SETD7: variants seen among roughly 807,000 people sequenced by gnomAD.
The protein encoded by SETD7 is SET domain containing 7, histone lysine methyltransferase.
A neutral mutation model predicts 41.8 loss-of-function variants in SETD7; 16 were observed. That is an observed-to-expected ratio of 0.38 (90% CI 0.26 to 0.58). The LOEUF is 0.58. Among genes scored for constraint, SETD7 ranks in the 20% least tolerant of loss-of-function variants. The probability of loss-of-function intolerance (pLI) is 0.64; values close to 1 mark genes in which losing one functional copy is unlikely to be tolerated. For synonymous variants in SETD7, 163 were observed against 169.7 expected, an observed-to-expected ratio of 0.96 and a Z score of 0.31; for missense variants, 346 against 459.7, an observed-to-expected ratio of 0.75 and a Z score of 2.26.
chr4:139,523,361 A>T lies in SETD7; in HGVS notation c.637T>A (p.Ser213Thr), dbSNP rs1282853112. The change falls in exon 5 of 8, where the codon TCA becomes ACA. Residue 213 changes from serine to threonine, a missense_variant. This residue lies in a region of SETD7 where 266 missense variants were observed against 377.0 expected (regional missense o/e 0.71). Coordinates refer to ENST00000274031, the MANE Select transcript of SETD7 (RefSeq NM_030648.4). The stretch of plus-strand genomic sequence containing the variant: ...CCCCAAGGAGGAAATTACCTTTCTG[A>T]TTCATAAGGATCTGGAAGAAGAGCA... ...TNALLPDPYE[S>T]ERVYVAESLI... 1.2e-6 allele frequency: 2 copies of T among 1,609,980 alleles called. No homozygotes were observed. Among genetic ancestry groups the T allele is most frequent in the Admixed American group, 3.3e-5 (2 of 59,986 alleles).
intron 7 of SETD7, among the ~76,000 whole-genome samples, chr4:139,516,194 G>A (rs941010982): frequency 2.6e-5 from 4 of 152,102 alleles, no homozygotes; most frequent in Admixed American, 6.6e-5. Flanking sequence ...GGCCGGGGGC[G>A]GTGGCTCACA....
Position 139,555,021 on chromosome 4 carries a change from T to C in SETD7, c.40+1077A>G, listed in dbSNP as rs1223125874. On this transcript the variant is annotated intron_variant, in intron 1 of 7. Coordinates refer to ENST00000274031, the MANE Select transcript of SETD7 (RefSeq NM_030648.4). This position sits in a 1 kb window ranked among gnomAD's most constrained non-coding sequence, Gnocchi z 4.0. ...CTTAGTTTAAAACATTCTGGTATCA[T>C]ACCACACCACACTGAAAAACATCAC... is the stretch of plus-strand genomic sequence containing the variant. Among the ~76,000 whole-genome samples, 2 of 152,268 alleles carry C rather than the reference T, an allele frequency of 1.3e-5. No homozygotes were observed. The highest frequency in any genetic ancestry group is 6.5e-5 in the Admixed American group (1 of 15,290).
chr4:139,531,487 C>A (rs75196545), intron 3 of SETD7, among the ~76,000 whole-genome samples: 6,653 of 152,244 alleles, frequency 0.044, 166 homozygotes, highest in Non-Finnish European at 0.061. Flanking sequence ...ACTCACGAGG[C>A]CAGGTTTCGG....
chr4:139,520,287 G>A lies in SETD7; in HGVS notation c.752C>T (p.Thr251Ile). The change falls in exon 6 of 8, where the codon ACA (threonine) becomes ATA (isoleucine). Residue 251 changes from threonine (T) to isoleucine (I), a missense_variant. By Grantham distance (89) the Thr-to-Ile change is moderately conservative. Coordinates refer to ENST00000274031, the MANE Select transcript of SETD7 (RefSeq NM_030648.4). ...VMSFYNGVRI[T>I]HQEVDSRDWA... is the part of the protein sequence containing the mutation. ...GTCAGCCCCACTCACCTCTTGGTGT[G>A]TAATTCGAACTCCATTATAAAAAGA... is the stretch of plus-strand genomic sequence containing the variant. 6.3e-7 allele frequency: 1 copy of A among 1,576,888 alleles called. No homozygotes were observed. The highest frequency in any genetic ancestry group is 8.7e-7 in the Non-Finnish European group (1 of 1,155,730).
rs752282286 is a variant in SETD7, at chr4:139,529,209, G to T, written c.384C>A (p.Ser128Arg). 1.2e-6 allele frequency: 2 copies of T among 1,612,398 alleles called. No individual in the cohort carries two copies. ...VCWIYYPDGG[S>R]LVGEVNEDGE... is the part of the protein sequence containing the mutation. The stretch of plus-strand genomic sequence containing the variant: ...CATCTTCATTTACTTCTCCTACAAG[G>T]CTTCCTCCATCCTGATGGGAGAAAC... The change falls in exon 4 of 8, where the codon AGC (serine) becomes AGA (arginine). Residue 128 changes from serine to arginine, a missense_variant. By Grantham distance (110) the Ser-to-Arg change is moderately radical. This residue lies in a region of SETD7 where 266 missense variants were observed against 377.0 expected (regional missense o/e 0.71). Coordinates refer to ENST00000274031, the MANE Select transcript of SETD7 (RefSeq NM_030648.4).
chr4:139,505,121 G>A (rs987872492), downstream of SETD7, among the ~76,000 whole-genome samples: 14 of 152,120 alleles, frequency 9.2e-5, no homozygotes, highest in African/African-American at 3.1e-4. Context: ...GGGCAACTGA[G>A]GGAGGTAAAA....
intron 1 of SETD7, among the ~76,000 whole-genome samples, chr4:139,549,492 A>G (rs992465584): frequency 1.5e-5 from 2 of 130,032 alleles, no homozygotes; most frequent in African/African-American, 5.5e-5. Context: ...AAAAATGTCA[A>G]CTCCACTCCA....
intron 2 of SETD7, among the ~76,000 whole-genome samples, chr4:139,533,918 A>C (rs181399951): frequency 1.4e-4 from 22 of 152,312 alleles, no homozygotes; most frequent in African/African-American, 5.3e-4. Context: ...AATCCCTTCC[A>C]TCTCCTTGGA....
chr4:139,533,171 A>ACTGGATATAT lies in SETD7; in HGVS notation c.365_366insATATATCCAG (p.Tyr122Ter). On this transcript the variant is annotated stop_gained and frameshift_variant, in exon 3 of 8. Coordinates refer to ENST00000274031, the MANE Select transcript of SETD7 (RefSeq NM_030648.4). LOFTEE classifies it high-confidence loss of function. ...GAACAGTCACACGGCTTACTGGGTA[A>ACTGGATATAT]TATATCCAGCACACTCCATGACGAA... is the stretch of plus-strand genomic sequence containing the variant. 1 of 1,613,254 alleles carries ACTGGATATAT rather than the reference A, an allele frequency of 6.2e-7. No homozygotes were observed. The highest frequency in any genetic ancestry group is 8.5e-7 in the Non-Finnish European group (1 of 1,179,222).
At position 139,510,757 on chromosome 4, in the gene SETD7, T is replaced by G. The variant is rs540392956; in HGVS notation, c.*906A>C. 1.3e-5 allele frequency: 2 copies of G among 152,702 alleles called. No individual in the cohort carries two copies. Among genetic ancestry groups the G allele is most frequent in the Admixed American group, 1.3e-4 (2 of 15,298 alleles). The allele number at this position is 152,702 out of a possible 1,614,324, so 9.5% of individuals were successfully genotyped here. The stretch of plus-strand genomic sequence containing the variant: ...AATGTGTACTCAAGGAGGAAAAAAT[T>G]ACTAGCACTACTGAAAATATTGCAA... On this transcript the variant is annotated 3_prime_UTR_variant, in exon 8 of 8. Transcript: ENST00000274031.
In SETD7 at chr4:139,508,748, A is replaced by C. The variant is rs373952535; in HGVS notation, c.*2915T>G. ...TGACCAGATGCAGCGGCTTCCTGAC[A>C]CATTTCCTTCCCCAGCAGATGTAAA... On this transcript the variant is annotated 3_prime_UTR_variant, in exon 8 of 8. Transcript: ENST00000274031. 7.9e-5 allele frequency: 12 copies of C among 152,312 alleles called. No individual in the cohort carries two copies. Among genetic ancestry groups the C allele is most frequent in the African/African-American group, 2.9e-4 (12 of 41,560 alleles). The allele number at this position is 152,312 out of a possible 1,614,324, so 9.4% of individuals were successfully genotyped here.
chr4:139,535,614 C>T (rs1727617306), intron 2 of SETD7, among the ~76,000 whole-genome samples: 1 of 152,172 alleles, frequency 6.6e-6, no homozygotes, highest in Non-Finnish European at 1.5e-5. Flanking sequence ...TTGTCCTAAC[C>T]TCCCTTACCC....
downstream of SETD7, among the ~76,000 whole-genome samples, chr4:139,501,843 C>T (rs1726583624): frequency 6.6e-6 from 1 of 152,206 alleles, no homozygotes; most frequent in African/African-American, 2.4e-5. Flanking sequence ...GGAGACACGG[C>T]AGGTCCCGAA....
chr4:139,551,007 T>C (rs1173135794), intron 1 of SETD7, among the ~76,000 whole-genome samples: 1 of 152,202 alleles, frequency 6.6e-6, no homozygotes, highest in Admixed American at 6.5e-5. Context: ...ACACTCTTCC[T>C]TGGTGATGGT....
At chr4:139,497,201 T>C (rs1039013618) in intron 7 of SETD7, among the ~76,000 whole-genome samples, 1 of 152,204 alleles carries the variant, frequency 6.6e-6, no homozygotes, top group Non-Finnish European at 1.5e-5. Context: ...ACGCCTGTAA[T>C]CCCAGCACTT....
rs896431449 is a variant in SETD7 at position 139,511,759 on chromosome 4, A to G, written c.1005T>C (p.Tyr335=). The change falls in exon 8 of 8, where the codon TAT becomes TAC. Residue 335 remains tyrosine, a synonymous_variant. Transcript: ENST00000274031. ...TCCCGGGGGGGCTGTGGTCATAGCC[A>G]TAGGCAACGGTGAGCTCTTCATCGG... ...VEADEELTVA[Y]GYDHSPPGKS... The G allele has an allele frequency of 1.2e-6, 2 of 1,614,136 alleles. No homozygotes were observed. Among genetic ancestry groups the G allele is most frequent in the East Asian group, 2.2e-5 (1 of 44,888 alleles).
intron 2 of SETD7, among the ~76,000 whole-genome samples, chr4:139,537,991 A>G (rs1317259853): frequency 6.6e-6 from 1 of 152,232 alleles, no homozygotes; most frequent in Non-Finnish European, 1.5e-5. Context: ...ATTATTAAAC[A>G]TGCATATTCA....
chr4:139,511,698 C>G lies in SETD7; in HGVS notation c.1066G>C (p.Glu356Gln), dbSNP rs1445919028. ...GPEAPEWYQV[E>Q]LKAFQATQQK ...TGGGTGGCCTGGAAGGCCTTCAGCT[C>G]CACCTGGTACCACTCAGGGGCTTCA... The change falls in exon 8 of 8, where the codon GAG (glutamate) becomes CAG (glutamine). Residue 356 changes from glutamate (E) to glutamine (Q), a missense_variant. This residue lies in a region of SETD7 where 5 missense variants were observed against 17.2 expected (regional missense o/e 0.29). Transcript: ENST00000274031. 6.2e-7 allele frequency: 1 copy of G among 1,613,618 alleles called. No homozygotes were observed. The highest frequency in any genetic ancestry group is 1.3e-5 in the African/African-American group (1 of 75,000).
chr4:139,500,618 C>T (rs1041268675), intron 7 of SETD7, among the ~76,000 whole-genome samples: 1 of 152,188 alleles, frequency 6.6e-6, no homozygotes, highest in East Asian at 1.9e-4. Context: ...AAGCGATTCT[C>T]CTGCCTCAGC....
Sources: gnomAD v4.1 joint callset for allele counts (sites outside exome capture counted in the v4.1 genomes callset) on GRCh38, gnomAD v4.1.1 for gene constraint, gnomAD v4.1.1 regional missense constraint, Gnocchi (gnomAD v3.1) non-coding constraint, MANE v1.5 for transcripts, NCBI Gene and HGNC (gene_info 2026-07-23, HGNC 2026-07-21) for gene names.